The following RHOA variants were observed in gnomAD, a reference collection of about 807,000 sequenced individuals.
The protein encoded by RHOA is ras homolog family member A, also known as transforming protein RhoA.
A neutral mutation model predicts 17.5 loss-of-function variants in RHOA; 3 were observed. The ratio of observed to expected loss-of-function variants is 0.17; its 90% CI spans 0.08 to 0.44. The LOEUF (loss-of-function observed/expected upper bound fraction) is 0.44, where lower values mean the gene tolerates loss of function less well. Among genes scored for constraint, RHOA ranks in the 20% least tolerant of loss-of-function variants. The pLI is 0.99. For synonymous variants in RHOA, 98 were observed against 88.4 expected (o/e 1.11, Z -0.61); for missense variants, 56 against 242.3 (o/e 0.23, Z 5.10).
intron 1 of RHOA, among the ~76,000 whole-genome samples, chr3:49,378,234 A>C: frequency 7.8e-6 from 1 of 128,552 alleles, no homozygotes. Context: ...TTATCTATCC[A>C]TCTATCTTTT....
intron 2 of RHOA, among the ~76,000 whole-genome samples, chr3:49,369,006 C>CT (rs1160140765): frequency 0.019 from 1,104 of 59,574 alleles, 63 homozygotes; most frequent in Middle Eastern, 0.027. Flanking sequence ...CGCGCCTGGC[C>CT]TTTTTTTTTT....
At chr3:49,386,120 G>A (rs948983444) in intron 1 of RHOA, among the ~76,000 whole-genome samples, 1 of 152,072 alleles carries the variant, frequency 6.6e-6, no homozygotes, top group African/African-American at 2.4e-5. Flanking sequence ...AAAGCCAGCT[G>A]GAATTTTGAT....
chr3:49,373,306 TG>T, intron 2 of RHOA: 1 of 229,856 alleles, frequency 4.4e-6, no homozygotes, highest in Non-Finnish European at 9.7e-6. Context: ...ATCATGCCAT[TG>T]CACTCCAACC....
chr3:49,409,690 T>TA (rs915647254), intron 1 of RHOA, among the ~76,000 whole-genome samples: 39 of 152,228 alleles, frequency 2.6e-4, no homozygotes, highest in African/African-American at 9.4e-4. Context: ...TACCTGTTTT[T>TA]ACTCTCCTAA....
chr3:49,410,722 C>T (rs979694240), intron 1 of RHOA, among the ~76,000 whole-genome samples: 1 of 152,260 alleles, frequency 6.6e-6, no homozygotes, highest in African/African-American at 2.4e-5. Context: ...ATTCTCTCCA[C>T]ATACAACATT....
At chr3:49,392,802 A>T (rs1418673393) in intron 1 of RHOA, among the ~76,000 whole-genome samples, 1 of 152,174 alleles carries the variant, frequency 6.6e-6, no homozygotes, top group Non-Finnish European at 1.5e-5. Context: ...CATGTCTCCC[A>T]CAGCTGCTGG....
At chr3:49,407,899 C>A (rs1309541270) in intron 1 of RHOA, among the ~76,000 whole-genome samples, 1 of 152,120 alleles carries the variant, frequency 6.6e-6, no homozygotes. Context: ...TAGTGGCTCT[C>A]ACCTGCAATC....
In RHOA at chr3:49,363,882, A is replaced by C. The variant is rs145381912; in HGVS notation, c.278-1256T>G. Among the ~76,000 whole-genome samples the C allele has an allele frequency of 6.5e-3, 992 of 152,042 alleles. 14 individuals carry two copies. Among genetic ancestry groups the C allele is most frequent in the African/African-American group, 0.022 (919 of 41,474 alleles). On this transcript the variant is annotated intron_variant, in intron 3 of 4. Transcript: ENST00000418115. Reference sequence around the variant, plus strand: ...AAAAAGTCAAAAACCCCATCTCCACAAAAACATACAAAAACTTAGCAGTTT... The same window carrying C: ...AAAAAGTCAAAAACCCCATCTCCACCAAAACATACAAAAACTTAGCAGTTT...
intron 1 of RHOA, among the ~76,000 whole-genome samples, chr3:49,395,317 A>G (rs1445556659): frequency 2.6e-5 from 4 of 152,134 alleles, no homozygotes; most frequent in Non-Finnish European, 4.4e-5. Context: ...GGCGATGGTT[A>G]GACCAGAGGA....
rs986904087 is a variant in RHOA, at chr3:49,359,697, C to T, written c.*512G>A. ...CTATAAGGTAACTAACATGAAACCA[C>T]AGAACTGTAACTCTGCCACAGCTGC... On this transcript the variant is annotated 3_prime_UTR_variant, in exon 5 of 5. Transcript: ENST00000418115. The T allele has an allele frequency of 4.5e-6, 1 of 221,496 alleles. No homozygotes were observed. Among genetic ancestry groups the T allele is most frequent in the African/African-American group, 2.2e-5 (1 of 44,554 alleles). The allele number at this position is 221,496 out of a possible 1,614,324, so 13.7% of individuals were successfully genotyped here. A position where few individuals can be genotyped will look rare whatever the true frequency, so the allele number is the denominator to read the frequency against.
intron 1 of RHOA, among the ~76,000 whole-genome samples, chr3:49,404,812 C>G (rs1337292683): frequency 6.6e-6 from 1 of 150,692 alleles, no homozygotes; most frequent in Non-Finnish European, 1.5e-5. Flanking sequence ...GCAGCATGCA[C>G]CTGTAGTCCC....
intron 1 of RHOA, among the ~76,000 whole-genome samples, chr3:49,380,176 G>A (rs1348734395): frequency 6.6e-6 from 1 of 152,114 alleles, no homozygotes; most frequent in Non-Finnish European, 1.5e-5. Flanking sequence ...TAAATCTAAA[G>A]TAAGGGCTGG....
At chr3:49,411,757 G>A (rs891989687) in intron 1 of RHOA, 63 bp downstream of exon 1, 6 of 152,066 alleles carry the variant, frequency 3.9e-5, no homozygotes, top group African/African-American at 9.7e-5. Context: ...CCTGCCGGCC[G>A]GAAGAGTACC....
Position 49,368,446 on chromosome 3 carries a change from C to T in RHOA, c.259G>A (p.Asp87Asn), listed in dbSNP as rs1019221398. ...CACTCACCTAAACTATCAGGGCTGT[C>T]GATGGAAAAACACATCAGTATAACA... ...TDVILMCFSI[D>N]SPDSLENIPE... Residue 87 changes from aspartate to asparagine, a missense_variant, in exon 3 of 5, where the codon GAC becomes AAC. Physicochemically the swap from Asp to Asn is conservative, Grantham distance 23 (BLOSUM62 1). Transcript: ENST00000418115. 3 of 1,613,824 alleles carry T rather than the reference C, an allele frequency of 1.9e-6. No individual in the cohort carries two copies. Among genetic ancestry groups the T allele is most frequent in the South Asian group, 1.1e-5 (1 of 91,054 alleles).
chr3:49,382,858 A>G (rs2048338927), intron 1 of RHOA, among the ~76,000 whole-genome samples: 1 of 151,770 alleles, frequency 6.6e-6, no homozygotes, highest in Non-Finnish European at 1.5e-5. Context: ...AGTTCGAGAC[A>G]AGCCTGACCA....
rs201649711 is a variant in RHOA at position 49,363,864 on chromosome 3, CA to C, written c.278-1239del. On this transcript the variant is annotated intron_variant, in intron 3 of 4. Coordinates refer to ENST00000418115, the MANE Select transcript of RHOA (RefSeq NM_001664.4). ...GAGTGAGACTCTGTATCAAAAAAGT[CA>C]AAAACCCCATCTCCACAAAAACATA... is the stretch of plus-strand genomic sequence containing the variant. Among the ~76,000 whole-genome samples, 462 of 151,594 alleles carry C rather than the reference CA, an allele frequency of 3.0e-3. 5 individuals carry two copies. The highest frequency in any genetic ancestry group is 0.015 in the East Asian group (77 of 5,134).
At chr3:49,366,702 A>G (rs1395474783) in intron 3 of RHOA, 1 of 152,138 alleles carries the variant, frequency 6.6e-6, no homozygotes. Flanking sequence ...TGCACAGAGG[A>G]CTCAATCTTA....
At chr3:49,371,288 T>TC (rs1325894613) in intron 2 of RHOA, among the ~76,000 whole-genome samples, 1 of 151,972 alleles carries the variant, frequency 6.6e-6, no homozygotes, top group Non-Finnish European at 1.5e-5. Flanking sequence ...ACTGTTTTTT[T>TC]TTTTTTTTGA....
chr3:49,380,945 T>TAC (rs1012060013), intron 1 of RHOA, among the ~76,000 whole-genome samples: 1 of 151,042 alleles, frequency 6.6e-6, no homozygotes, highest in Non-Finnish European at 1.5e-5. Context: ...TGTGTGTATA[T>TAC]ATATAGATAC....
Sources: allele counts gnomAD v4.1 joint callset (sites outside exome capture counted in the v4.1 genomes callset), GRCh38; gene constraint gnomAD v4.1.1; transcripts MANE v1.5; gene names NCBI Gene and HGNC (gene_info 2026-07-23, HGNC 2026-07-21).